The following KCNQ1 variants were observed in gnomAD, a reference collection of about 807,000 sequenced individuals.
KCNQ1 encodes the protein potassium voltage-gated channel subfamily Q member 1.
KCNQ1 carries 49 observed loss-of-function variants against 72.4 expected under a neutral mutation model. The observed-to-expected ratio is 0.68, with a 90% CI of 0.54 to 0.86. The LOEUF (loss-of-function observed/expected upper bound fraction) is 0.86, where lower values mean the gene tolerates loss of function less well. KCNQ1 is among the 40% of genes least tolerant of loss of function. KCNQ1 has a pLI of 0.00. For synonymous variants in KCNQ1, 450 were observed against 412.6 expected (o/e 1.09, Z -1.10); for missense variants, 790 against 945.1 (o/e 0.84, Z 2.15).
intron 10 of KCNQ1, chr11:2,628,886 G>A (rs1849305884): frequency 2.5e-6 from 1 of 398,128 alleles, no homozygotes; most frequent in Non-Finnish European, 4.4e-6. Context: ...TTTCCCCATT[G>A]TGTACTCTTG....
At chr11:2,619,729 A>C (rs1849132852) in intron 10 of KCNQ1, 1 of 396,226 alleles carries the variant, frequency 2.5e-6, no homozygotes, top group Non-Finnish European at 4.4e-6. Context: ...TTTTTTTGGA[A>C]GTATTCCCTA....
rs538025847 is a variant in KCNQ1, at chr11:2,828,879, A to T, written c.1795-18888A>T. On this transcript the variant is annotated intron_variant, in intron 15 of 15. Coordinates refer to ENST00000155840, the MANE Select transcript of KCNQ1 (RefSeq NM_000218.3). The surrounding 1 kb of genome is among the most constrained non-coding windows in gnomAD (Gnocchi z 5.3). ...CAGACACTCCACATTTCCAGAGAGAAAAAGTAAGTCACACACAAGAGAATA... is the reference window on the plus strand; with the variant it reads ...CAGACACTCCACATTTCCAGAGAGATAAAGTAAGTCACACACAAGAGAATA... 2.8e-4 allele frequency among the ~76,000 whole-genome samples: 42 copies of T among 152,358 alleles called. No individual in the cohort carries two copies. The South Asian group carries it at 8.5e-3, about 31-fold the overall frequency.
intron 11 of KCNQ1, chr11:2,681,703 T>C: frequency 4.3e-6 from 1 of 232,290 alleles, no homozygotes; most frequent in Non-Finnish European, 8.2e-6. Flanking sequence ...TTGCTTCCCA[T>C]GTGTCTGTTC....
intron 11 of KCNQ1, among the ~76,000 whole-genome samples, chr11:2,705,891 T>G (rs1233666525): frequency 1.6e-4 from 24 of 152,190 alleles, no homozygotes; most frequent in Non-Finnish European, 1.5e-5. Context: ...AGCTCTGTAC[T>G]TGTAGAGGGT....
In KCNQ1 at chr11:2,735,364, G is replaced by T. The variant is rs1369931800; in HGVS notation, c.1515-33480G>T. On this transcript the variant is annotated intron_variant, in intron 11 of 15. Coordinates refer to ENST00000155840, the MANE Select transcript of KCNQ1 (RefSeq NM_000218.3). This position sits in a 1 kb window ranked among gnomAD's most constrained non-coding sequence, Gnocchi z 7.7. ...CCTGCCCGGTGGAGGGTGGGCCATG[G>T]CCGCCCCCACCTCCCCTCCCGCAAG... 2.0e-5 allele frequency among the ~76,000 whole-genome samples: 3 copies of T among 151,942 alleles called. No individual in the cohort carries two copies. The highest frequency in any genetic ancestry group is 4.4e-5 in the Non-Finnish European group (3 of 67,946).
rs751584690 is a variant in KCNQ1 at position 2,764,777 on chromosome 11, C to A, written c.1515-4067C>A. On this transcript the variant is annotated intron_variant, in intron 11 of 15. Transcript: ENST00000155840. The surrounding 1 kb of genome is among the most constrained non-coding windows in gnomAD (Gnocchi z 4.8). ...AATTTGTATATTTTATCTAAATCAT[C>A]AAAAGTATTTTTGTTTGTAATGTCC... is the stretch of plus-strand genomic sequence containing the variant. 2.0e-5 allele frequency among the ~76,000 whole-genome samples: 3 copies of A among 152,056 alleles called. No individual in the cohort carries two copies. Among genetic ancestry groups the A allele is most frequent in the African/African-American group, 4.8e-5 (2 of 41,380 alleles).
chr11:2,563,302 C>A lies in KCNQ1; in HGVS notation c.478-7326C>A, dbSNP rs989540985. 3.9e-5 allele frequency among the ~76,000 whole-genome samples: 6 copies of A among 152,232 alleles called. No individual in the cohort carries two copies. The highest frequency in any genetic ancestry group is 7.3e-5 in the Non-Finnish European group (5 of 68,044). On this transcript the variant is annotated intron_variant, in intron 2 of 15. Coordinates refer to ENST00000155840, the MANE Select transcript of KCNQ1 (RefSeq NM_000218.3). The surrounding 1 kb of genome is among the most constrained non-coding windows in gnomAD (Gnocchi z 7.4). ...ACACCGGTTCCACGGCCGGTTGCAA[C>A]ACGTTTGAGCCAAAGTGCGACCTTT...
intron 1 of KCNQ1, among the ~76,000 whole-genome samples, chr11:2,487,922 G>A (rs941033094): frequency 1.4e-4 from 21 of 152,196 alleles, no homozygotes; most frequent in African/African-American, 5.1e-4. Flanking sequence ...AATAGAAGTG[G>A]TGAAAGTGGT....
At chr11:2,646,200 G>A (rs1256056004) in intron 10 of KCNQ1, 2 of 398,478 alleles carry the variant, frequency 5.0e-6, no homozygotes, top group Admixed American at 4.4e-5. Context: ...GCTATATTTT[G>A]TGGAGGAGGT....
chr11:2,795,886 A>G (rs926868720), intron 15 of KCNQ1, among the ~76,000 whole-genome samples: 28 of 152,132 alleles, frequency 1.8e-4, no homozygotes, highest in Admixed American at 6.5e-5. Context: ...CCGGGGGAAC[A>G]GGGGGTAAGT....
rs7115494 is a variant in KCNQ1 at position 2,450,893 on chromosome 11, C to T, written c.386+5409C>T. Reference sequence around the variant, plus strand: ...GCCCAGCCCTCTTCTGGGAGCCCCACGTGGGTGGGTGCTGGCTGGGGAGGG... The same window carrying T: ...GCCCAGCCCTCTTCTGGGAGCCCCATGTGGGTGGGTGCTGGCTGGGGAGGG... On this transcript the variant is annotated intron_variant, in intron 1 of 15. Transcript: ENST00000155840. The surrounding 1 kb of genome is among the most constrained non-coding windows in gnomAD (Gnocchi z 7.9). Among the ~76,000 whole-genome samples, 41,145 of 152,020 alleles carry T rather than the reference C, an allele frequency of 0.27. 7,917 individuals are homozygous for T. Among genetic ancestry groups the T allele is most frequent in the African/African-American group, 0.53 (22,019 of 41,432 alleles).
In KCNQ1 at chr11:2,457,236, T is replaced by G. The variant is rs1008654266; in HGVS notation, c.386+11752T>G. 6.6e-6 allele frequency among the ~76,000 whole-genome samples: 1 copy of G among 152,134 alleles called. No individual in the cohort carries two copies. The highest frequency in any genetic ancestry group is 1.5e-5 in the Non-Finnish European group (1 of 68,036). On this transcript the variant is annotated intron_variant, in intron 1 of 15. Coordinates refer to ENST00000155840, the MANE Select transcript of KCNQ1 (RefSeq NM_000218.3). The surrounding 1 kb of genome is among the most constrained non-coding windows in gnomAD (Gnocchi z 5.0). ...AGTCCAGCCACCATGGAAGGCAGTT[T>G]GGAGATTTCCCAAAGAACCAAGAGT...
At chr11:2,528,915 G>A (rs530001653) in intron 2 of KCNQ1, among the ~76,000 whole-genome samples, 1 of 152,206 alleles carries the variant, frequency 6.6e-6, no homozygotes, top group South Asian at 2.1e-4. Flanking sequence ...CATTTCTAGG[G>A]AGTCCGTTTT....
chr11:2,448,950 G>A (rs1846082562), intron 1 of KCNQ1, among the ~76,000 whole-genome samples: 1 of 152,364 alleles, frequency 6.6e-6, no homozygotes, highest in Non-Finnish European at 1.5e-5. Flanking sequence ...GGGTAGTCCA[G>A]GTGGCAAGAG....
At chr11:2,722,436 C>T (rs1845685432) in intron 11 of KCNQ1, among the ~76,000 whole-genome samples, 1 of 152,170 alleles carries the variant, frequency 6.6e-6, no homozygotes, top group Non-Finnish European at 1.5e-5. Flanking sequence ...CTGCAGCATT[C>T]AGAGGTCAGG....
In KCNQ1 at chr11:2,611,735, T is replaced by C; in HGVS notation, c.1393+22881T>C. ...ATAATTATTGATATGGAAGGATTTA[T>C]ATCTACCATGTTGTTATTTATTTTC... On this transcript the variant is annotated intron_variant, in intron 10 of 15. Coordinates refer to ENST00000155840, the MANE Select transcript of KCNQ1 (RefSeq NM_000218.3). This position sits in a 1 kb window ranked among gnomAD's most constrained non-coding sequence, Gnocchi z 5.3. The C allele has an allele frequency of 2.5e-6, 1 of 398,582 alleles. No homozygotes were observed. The highest frequency in any genetic ancestry group is 2.1e-5 in the African/African-American group (1 of 48,764). 24.7% of individuals were successfully genotyped at this position (398,582 alleles called of 1,614,324 possible).
chr11:2,797,162 G>GA (rs3835012), intron 15 of KCNQ1, among the ~76,000 whole-genome samples: 44,532 of 152,066 alleles, frequency 0.29, 6,672 homozygotes, highest in African/African-American at 0.33. Context: ...GGCAGACCTG[G>GA]GGGGGTGGCG....
At position 2,772,270 on chromosome 11, in the gene KCNQ1, T is replaced by C. The variant is rs1425176821; in HGVS notation, c.1590+3351T>C. On this transcript the variant is annotated intron_variant, in intron 12 of 15. Transcript: ENST00000155840. This position sits in a 1 kb window ranked among gnomAD's most constrained non-coding sequence, Gnocchi z 6.6. ...CCGCTGGCCTCAGGGGCTGCTGACA[T>C]GGCAGGTGACCCCTCTGCCTACCTT... 6.6e-6 allele frequency among the ~76,000 whole-genome samples: 1 copy of C among 152,040 alleles called. No homozygotes were observed. The highest frequency in any genetic ancestry group is 1.5e-5 in the Non-Finnish European group (1 of 67,982).
chr11:2,609,893 T>C (rs1848950229), intron 10 of KCNQ1: 1 of 398,022 alleles, frequency 2.5e-6, no homozygotes, highest in African/African-American at 2.1e-5. Flanking sequence ...TTACTTTCAG[T>C]TGGCATTTAT....
Sources: gnomAD v4.1 joint callset for allele counts (sites outside exome capture counted in the v4.1 genomes callset) on GRCh38, gnomAD v4.1.1 for gene constraint, Gnocchi (gnomAD v3.1) non-coding constraint, MANE v1.5 for transcripts, NCBI Gene and HGNC (gene_info 2026-07-23, HGNC 2026-07-21) for gene names.